TRDMT1: variants seen among roughly 807,000 people sequenced by gnomAD.
TRDMT1 encodes tRNA (cytosine(38)-C(5))-methyltransferase.
A neutral mutation model predicts 51.2 loss-of-function variants in TRDMT1; 49 were observed. The observed-to-expected ratio is 0.96, with a 90% CI of 0.76 to 1.21. The LOEUF (loss-of-function observed/expected upper bound fraction) is 1.21, where lower values mean the gene tolerates loss of function less well. Ranked by LOEUF, TRDMT1 falls within the 50% of genes most tolerant of loss-of-function variation. The pLI, the probability that TRDMT1 is intolerant of heterozygous loss-of-function variation, is 0.00. For missense variants in TRDMT1, 534 were observed against 462.3 expected, an observed-to-expected ratio of 1.16 and a Z score of -1.42; for synonymous variants, 187 against 164.6, an observed-to-expected ratio of 1.14 and a Z score of -1.04.
chr10:17,140,871 G>C lies in TRDMT1; in HGVS notation c.*8169C>G, dbSNP rs181497358. Among the ~76,000 whole-genome samples, 3 of 151,994 alleles carry C rather than the reference G, an allele frequency of 2.0e-5. No homozygotes were observed. The highest frequency in any genetic ancestry group is 2.9e-5 in the Non-Finnish European group (2 of 68,010). Reference sequence around the variant, plus strand: ...TCACAGTTATAATCATTAGCTATACGTTAGGTGTCTTCCTTTCATCTTTGA... The same window carrying C: ...TCACAGTTATAATCATTAGCTATACCTTAGGTGTCTTCCTTTCATCTTTGA... On this transcript the variant is annotated 3_prime_UTR_variant, in exon 11 of 11. Transcript: ENST00000377799.
chr10:17,141,680 T>C lies in TRDMT1; in HGVS notation c.*7360A>G, dbSNP rs1196006976. Among the ~76,000 whole-genome samples, 1 of 152,184 alleles carries C rather than the reference T, an allele frequency of 6.6e-6. No homozygotes were observed. Among genetic ancestry groups the C allele is most frequent in the Non-Finnish European group, 1.5e-5 (1 of 68,034 alleles). On this transcript the variant is annotated 3_prime_UTR_variant, in exon 11 of 11. Coordinates refer to ENST00000377799, the MANE Select transcript of TRDMT1 (RefSeq NM_004412.7). ...CAGGTAAATTCTACTGATCCGTCCT[T>C]AGGTTCACTGATTTCTATCTTCTGT...
At chr10:17,174,728 A>G in intron 1 of TRDMT1, 68 bp from the exon 2 acceptor site, 1 of 1,140,326 alleles carries the variant, frequency 8.8e-7, no homozygotes, top group Non-Finnish European at 1.3e-6. Context: ...AAATCAAAAT[A>G]GCAGAATTTA....
chr10:17,158,673 G>C (rs1387436232), intron 7 of TRDMT1, among the ~76,000 whole-genome samples: 1 of 152,118 alleles, frequency 6.6e-6, no homozygotes, highest in African/African-American at 2.4e-5. Flanking sequence ...ATTCTAGCTT[G>C]TACTAATCAT....
Position 17,145,358 on chromosome 10 carries a change from G to C in TRDMT1, c.*3682C>G. Reference sequence around the variant, plus strand: ...GGGTGTGACAGAGGTCCAGAAAAGTGCTTGCTAAGAAGCTGATATGATAGT... The same window carrying C: ...GGGTGTGACAGAGGTCCAGAAAAGTCCTTGCTAAGAAGCTGATATGATAGT... On this transcript the variant is annotated 3_prime_UTR_variant, in exon 11 of 11. Coordinates refer to ENST00000377799, the MANE Select transcript of TRDMT1 (RefSeq NM_004412.7). 2.0e-6 allele frequency: 2 copies of C among 985,448 alleles called. No homozygotes were observed. The highest frequency in any genetic ancestry group is 2.4e-6 in the Non-Finnish European group (2 of 829,946). The allele number at this position is 985,448 out of a possible 1,614,324, so 61.0% of individuals were successfully genotyped here.
At position 17,143,834 on chromosome 10, in the gene TRDMT1, G is replaced by A. The variant is rs1837879971; in HGVS notation, c.*5206C>T. On this transcript the variant is annotated 3_prime_UTR_variant, in exon 11 of 11. Coordinates refer to ENST00000377799, the MANE Select transcript of TRDMT1 (RefSeq NM_004412.7). ...GAAGCTTGAACTTGGAAGATGTGGA[G>A]ACTAACCGTACCATAAATATTAAAG... 15 of 985,412 alleles carry A rather than the reference G, an allele frequency of 1.5e-5. No individual in the cohort carries two copies. Among genetic ancestry groups the A allele is most frequent in the Non-Finnish European group, 1.8e-5 (15 of 829,936 alleles). 61.0% of individuals were successfully genotyped at this position (985,412 alleles called of 1,614,324 possible). A position where few individuals can be genotyped will look rare whatever the true frequency, so the allele number is the denominator to read the frequency against.
chr10:17,148,908 C>A lies in TRDMT1; in HGVS notation c.*132G>T. The A allele has an allele frequency of 1.6e-6, 2 of 1,278,644 alleles. No individual in the cohort carries two copies. Among genetic ancestry groups the A allele is most frequent in the Non-Finnish European group, 2.0e-6 (2 of 1,000,284 alleles). 79.2% of individuals were successfully genotyped at this position (1,278,644 alleles called of 1,614,324 possible). A position where few individuals can be genotyped will look rare whatever the true frequency, so the allele number is the denominator to read the frequency against. On this transcript the variant is annotated 3_prime_UTR_variant, in exon 11 of 11. Transcript: ENST00000377799. ...ACACATGGATTTTTTTAATAAAATC[C>A]AAATTTCTTAATAAGGACAGATTAA...
At chr10:17,151,295 A>T (rs143298782) in intron 10 of TRDMT1, 1 of 984,988 alleles carries the variant, frequency 1.0e-6, no homozygotes, top group East Asian at 1.1e-4. Context: ...AATAATCCTC[A>T]AAAACAAAGA....
intron 8 of TRDMT1, among the ~76,000 whole-genome samples, chr10:17,155,639 C>T (rs1480691825): frequency 1.3e-5 from 2 of 152,138 alleles, no homozygotes; most frequent in African/African-American, 4.8e-5. Flanking sequence ...TTCAGAAATG[C>T]AAGTCATTAG....
rs1388913165 is a variant in TRDMT1, at chr10:17,161,485, T to C, written c.387A>G (p.Thr129=). 12 of 1,371,242 alleles carry C rather than the reference T, an allele frequency of 8.8e-6. No homozygotes were observed. Among genetic ancestry groups the C allele is most frequent in the Non-Finnish European group, 1.1e-5 (11 of 1,016,634 alleles). 84.9% of individuals were successfully genotyped at this position (1,371,242 alleles called of 1,614,324 possible). ...GCAAGACAAATACATTTTTTTACCT[T>C]GTAGAAGATACTTCAAAACCTTTAA... ...ENVKGFEVSS[T]RDLLIQTIEN... Residue 129 remains threonine (T), a splice_region_variant and synonymous_variant, in exon 5 of 11, where the codon ACA becomes ACG. Coordinates refer to ENST00000377799, the MANE Select transcript of TRDMT1 (RefSeq NM_004412.7).
chr10:17,162,307 G>A (rs1357312269), intron 3 of TRDMT1, 70 bp from the exon 4 acceptor site: 13 of 1,394,236 alleles, frequency 9.3e-6, no homozygotes, highest in Middle Eastern at 1.8e-4. Flanking sequence ...ATAAAAAGAT[G>A]TCAAATCACT....
At chr10:17,160,470 T>C (rs1840180630) in intron 5 of TRDMT1, 96 bp from the exon 6 acceptor site, 1 of 878,312 alleles carries the variant, frequency 1.1e-6, no homozygotes, top group African/African-American at 1.8e-5. Flanking sequence ...GTTTGTTTTC[T>C]TGTTTTTTTG....
At chr10:17,188,478 G>A (rs1216179074) in intron 1 of TRDMT1, among the ~76,000 whole-genome samples, 1 of 152,052 alleles carries the variant, frequency 6.6e-6, no homozygotes, top group Non-Finnish European at 1.5e-5. Flanking sequence ...GCTGGCTCTG[G>A]CTCCAGGCAG....
intron 3 of TRDMT1, among the ~76,000 whole-genome samples, chr10:17,166,837 G>C (rs186237124): frequency 4.5e-4 from 69 of 152,204 alleles, no homozygotes; most frequent in Non-Finnish European, 9.6e-4. Context: ...TCACAGAGCT[G>C]GAGCTGCATT....
At position 17,149,058 on chromosome 10, in the gene TRDMT1, G is replaced by A; in HGVS notation, c.1158C>T (p.Ile386=). ...TTCAAAATTATTCATATAAGATTTTGATTAGTTTAGCTACTACATGCACGT... is the reference window on the plus strand; with the variant it reads ...TTCAAAATTATTCATATAAGATTTTAATTAGTTTAGCTACTACATGCACGT... ...SLNVHVVAKL[I]KILYE The change falls in exon 11 of 11, where the codon ATC becomes ATT. Residue 386 remains isoleucine (I), a synonymous_variant. Coordinates refer to ENST00000377799, the MANE Select transcript of TRDMT1 (RefSeq NM_004412.7). 4.4e-6 allele frequency: 7 copies of A among 1,606,962 alleles called. No individual in the cohort carries two copies. Among genetic ancestry groups the A allele is most frequent in the Non-Finnish European group, 5.9e-6 (7 of 1,177,190 alleles).
chr10:17,143,173 C>G lies in TRDMT1; in HGVS notation c.*5867G>C. 2 of 985,428 alleles carry G rather than the reference C, an allele frequency of 2.0e-6. No individual in the cohort carries two copies. Among genetic ancestry groups the G allele is most frequent in the South Asian group, 9.4e-5 (2 of 21,282 alleles). 61.0% of individuals were successfully genotyped at this position (985,428 alleles called of 1,614,324 possible). A position where few individuals can be genotyped will look rare whatever the true frequency, so the allele number is the denominator to read the frequency against. Reference sequence around the variant, plus strand: ...ACTTAAAGACATTGTTTGAACTCCACAGTGTGGTGCTTTCTATGTAGCTTC... The same window carrying G: ...ACTTAAAGACATTGTTTGAACTCCAGAGTGTGGTGCTTTCTATGTAGCTTC... On this transcript the variant is annotated 3_prime_UTR_variant, in exon 11 of 11. Coordinates refer to ENST00000377799, the MANE Select transcript of TRDMT1 (RefSeq NM_004412.7).
Position 17,161,490 on chromosome 10 carries a change from A to T in TRDMT1, c.382T>A (p.Ser128Thr). ...ACAAATACATTTTTTTACCTTGTAG[A>T]AGATACTTCAAAACCTTTAACATTT... ...LENVKGFEVS[S>T]TRDLLIQTIE... The change falls in exon 5 of 11, where the codon TCT (serine) becomes ACT (threonine). Residue 128 changes from serine to threonine, a missense_variant. Physicochemically the swap from Ser to Thr is moderately conservative, Grantham distance 58 (BLOSUM62 1). Coordinates refer to ENST00000377799, the MANE Select transcript of TRDMT1 (RefSeq NM_004412.7). 1 of 1,372,834 alleles carries T rather than the reference A, an allele frequency of 7.3e-7. No individual in the cohort carries two copies. The highest frequency in any genetic ancestry group is 9.8e-7 in the Non-Finnish European group (1 of 1,016,708). The allele number at this position is 1,372,834 out of a possible 1,614,324, so 85.0% of individuals were successfully genotyped here.
intron 10 of TRDMT1, 175 bp downstream of exon 10, chr10:17,153,332 G>A (rs748555122): frequency 3.9e-5 from 27 of 700,736 alleles, no homozygotes; most frequent in Non-Finnish European, 5.8e-5. Flanking sequence ...GTAGAGAACC[G>A]AATGAGGCAG....
chr10:17,191,744 G>A (rs1376022402), intron 1 of TRDMT1, among the ~76,000 whole-genome samples: 1 of 152,134 alleles, frequency 6.6e-6, no homozygotes, highest in Non-Finnish European at 1.5e-5. Flanking sequence ...GGAGGAGGGA[G>A]AGAGTGTATC....
At chr10:17,162,864 A>G (rs918926642) in intron 3 of TRDMT1, among the ~76,000 whole-genome samples, 2 of 152,202 alleles carry the variant, frequency 1.3e-5, no homozygotes, top group Non-Finnish European at 2.9e-5. Context: ...ACTTACATTA[A>G]TCAAAAAAGA....
Sources: gnomAD v4.1 joint callset for allele counts (sites outside exome capture counted in the v4.1 genomes callset) on GRCh38, gnomAD v4.1.1 for gene constraint, MANE v1.5 for transcripts, NCBI Gene and HGNC (gene_info 2026-07-23, HGNC 2026-07-21) for gene names.